The following MINK1 variants were observed in gnomAD, a reference collection of about 807,000 sequenced individuals.
MINK1 encodes the protein misshapen like kinase 1.
A neutral mutation model predicts 178.4 loss-of-function variants in MINK1; 46 were observed. The observed-to-expected ratio is 0.26, with a 90% confidence interval of 0.20 to 0.33. The LOEUF is 0.33. Ranked by LOEUF, MINK1 falls within the 10% of genes least tolerant of loss-of-function variation. The pLI is 1.00. For missense variants in MINK1, 1,366 were observed against 1,814.9 expected, an observed-to-expected ratio of 0.75 and a Z score of 4.49; for synonymous variants, 797 against 709.7, an observed-to-expected ratio of 1.12 and a Z score of -1.96.
At chr17:4,857,631 T>G (rs774135399) in intron 1 of MINK1, among the ~76,000 whole-genome samples, 16 of 151,960 alleles carry the variant, frequency 1.1e-4, no homozygotes, top group Non-Finnish European at 2.4e-4. Context: ...CATGCCCAGC[T>G]AATTTTTTGT....
chr17:4,883,879 A>G (rs976972240), intron 4 of MINK1, among the ~76,000 whole-genome samples: 1 of 151,588 alleles, frequency 6.6e-6, no homozygotes, highest in African/African-American at 2.4e-5. Context: ...TTGGAATCCC[A>G]ATGAGAATCT....
Position 4,889,730 on chromosome 17 carries a change from G to A in MINK1, c.1314G>A (p.Arg438=). ...TGGAGGACATGCAGGCTCTGCGGCG[G>A]GAGGAGGAGCGGCGGCAGGCGGAGC... The part of the protein sequence containing the change: ...RRLEDMQALR[R]EEERRQAERE... The change falls in exon 13 of 32, where the codon CGG becomes CGA. Residue 438 remains arginine (R), a synonymous_variant. Transcript: ENST00000355280. 5 of 1,549,030 alleles carry A rather than the reference G, an allele frequency of 3.2e-6. No homozygotes were observed. The highest frequency in any genetic ancestry group is 1.4e-5 in the African/African-American group (1 of 73,194).
At chr17:4,877,777 A>G (rs1397524015) in intron 1 of MINK1, among the ~76,000 whole-genome samples, 3 of 147,864 alleles carry the variant, frequency 2.0e-5, no homozygotes, top group Admixed American at 6.7e-5. Flanking sequence ...TTGAAAAGCC[A>G]TCTGCGCTCT....
At chr17:4,849,674 C>T (rs1363107670) in intron 1 of MINK1, among the ~76,000 whole-genome samples, 3 of 152,068 alleles carry the variant, frequency 2.0e-5, no homozygotes, top group South Asian at 2.1e-4. Context: ...CTGGTTTAAG[C>T]GATTCTCCTG....
Position 4,889,783 on chromosome 17 carries a change from T to TGCCAGG in MINK1, c.1347+20_1347+21insGCCAGG. The stretch of plus-strand genomic sequence containing the variant: ...GAGCAGGTAGAGCGCCGCACCCGCA[T>TGCCAGG]CCCTGCCCTCCCGCCCTCCCGCTCC... On this transcript the variant is annotated intron_variant, in intron 13 of 31. Coordinates refer to ENST00000355280, the MANE Select transcript of MINK1 (RefSeq NM_153827.5). 6.7e-7 allele frequency: 1 copy of TGCCAGG among 1,494,210 alleles called. No individual in the cohort carries two copies. The highest frequency in any genetic ancestry group is 8.9e-7 in the Non-Finnish European group (1 of 1,121,350). 92.6% of individuals were successfully genotyped at this position (1,494,210 alleles called of 1,614,324 possible).
At chr17:4,890,917 G>C in intron 14 of MINK1, 34 bp from the exon 15 acceptor site, 1 of 1,551,702 alleles carries the variant, frequency 6.4e-7, no homozygotes, top group South Asian at 1.2e-5. Flanking sequence ...AGGGAGGCAA[G>C]AGCTGGCCTG....
At chr17:4,874,026 T>C (rs1966944792) in intron 1 of MINK1, among the ~76,000 whole-genome samples, 1 of 151,958 alleles carries the variant, frequency 6.6e-6, no homozygotes, top group Non-Finnish European at 1.5e-5. Context: ...AGTGCCAGAG[T>C]TGAAAACCCC....
At chr17:4,848,367 G>A (rs774304662) in intron 1 of MINK1, among the ~76,000 whole-genome samples, 3 of 152,084 alleles carry the variant, frequency 2.0e-5, no homozygotes, top group African/African-American at 7.2e-5. Flanking sequence ...TCAGTGTTTG[G>A]GGGTATTTTT....
At chr17:4,862,927 C>T (rs898321168) in intron 1 of MINK1, among the ~76,000 whole-genome samples, 6 of 151,630 alleles carry the variant, frequency 4.0e-5, no homozygotes, top group Non-Finnish European at 8.8e-5. Context: ...TCCAGCTACT[C>T]AGGAAGCTGA....
rs772836714 is a variant in MINK1 at position 4,895,593 on chromosome 17, A to G, written c.3229+100A>G. Reference sequence around the variant, plus strand: ...AGGGCAGGCACTGGAAGGTGGGGCCACACTTTCTCACCCCTTGTGGTATGC... The same window carrying G: ...AGGGCAGGCACTGGAAGGTGGGGCCGCACTTTCTCACCCCTTGTGGTATGC... On this transcript the variant is annotated intron_variant, in intron 26 of 31. Transcript: ENST00000355280. This position sits in a 1 kb window ranked among gnomAD's most constrained non-coding sequence, Gnocchi z 4.3. 2.2e-4 allele frequency: 339 copies of G among 1,547,960 alleles called. 2 individuals are homozygous for G. The highest frequency in any genetic ancestry group is 2.9e-4 in the Non-Finnish European group (328 of 1,143,714).
At chr17:4,866,634 G>A (rs1438024606) in intron 1 of MINK1, among the ~76,000 whole-genome samples, 5 of 149,978 alleles carry the variant, frequency 3.3e-5, no homozygotes, top group African/African-American at 1.2e-4. Flanking sequence ...AAATAGCCAG[G>A]CATGATGGCA....
chr17:4,896,318 C>A lies in MINK1; in HGVS notation c.3591C>A (p.Ser1197Arg). The change falls in exon 29 of 32, where the codon AGC becomes AGA. Residue 1197 changes from serine (S) to arginine (R), a missense_variant. This residue lies in a region of MINK1 where 201 missense variants were observed against 240.7 expected (regional missense o/e 0.84). Transcript: ENST00000355280. This position sits in a 1 kb window ranked among gnomAD's most constrained non-coding sequence, Gnocchi z 4.6. ...CTGTGGATGTCGACTCGGGGAACAG[C>A]TATGACATCTACATCCCTGTGCACG... ...FHAVDVDSGN[S>R]YDIYIPVHIQ... The A allele has an allele frequency of 1.3e-6, 2 of 1,599,350 alleles. No homozygotes were observed. The highest frequency in any genetic ancestry group is 1.1e-5 in the South Asian group (1 of 87,888).
rs1969255183 is a variant in MINK1, at chr17:4,894,694, C to T, written c.2917+61C>T. ...GGTCCAGGGGCAGCCTGGAGGGGAG[C>T]ACAGTGGTCTTGAGACGCAGCCTCA... On this transcript the variant is annotated intron_variant, in intron 24 of 31. Transcript: ENST00000355280. The surrounding 1 kb of genome is among the most constrained non-coding windows in gnomAD (Gnocchi z 4.1). The T allele has an allele frequency of 4.5e-6, 6 of 1,319,130 alleles. No individual in the cohort carries two copies. In the South Asian group the frequency reaches 6.3e-5, roughly 14 times the overall value. 81.7% of individuals were successfully genotyped at this position (1,319,130 alleles called of 1,614,324 possible).
intron 1 of MINK1, among the ~76,000 whole-genome samples, chr17:4,874,183 C>T (rs1432388704): frequency 6.6e-6 from 1 of 152,162 alleles, no homozygotes; most frequent in Non-Finnish European, 1.5e-5. Context: ...TTATATTTCT[C>T]ATATATTGGT....
chr17:4,897,262 A>C lies in MINK1; in HGVS notation c.3974A>C (p.Asn1325Thr). 3 of 1,613,334 alleles carry C rather than the reference A, an allele frequency of 1.9e-6. No individual in the cohort carries two copies. The highest frequency in any genetic ancestry group is 2.5e-6 in the Non-Finnish European group (3 of 1,179,638). The stretch of plus-strand genomic sequence containing the variant: ...AGCCAAGTTTACTTCATGACTCTGA[A>C]CCGTAACTGCATCATGAACTGGTGA... The part of the protein sequence containing the change: ...GSSQVYFMTL[N>T]RNCIMNW Residue 1325 changes from asparagine (N) to threonine (T), a missense_variant, in exon 32 of 32, where the codon AAC becomes ACC. Physicochemically the swap from Asn to Thr is moderately conservative, Grantham distance 65 (BLOSUM62 0). Transcript: ENST00000355280.
At chr17:4,877,756 G>T (rs897801395) in intron 1 of MINK1, among the ~76,000 whole-genome samples, 2 of 146,616 alleles carry the variant, frequency 1.4e-5, no homozygotes, top group African/African-American at 5.1e-5. Flanking sequence ...TTTGAAATCG[G>T]GAACATGTCT....
intron 1 of MINK1, among the ~76,000 whole-genome samples, chr17:4,855,998 G>A (rs1913063507): frequency 1.3e-5 from 2 of 151,414 alleles, no homozygotes; most frequent in African/African-American, 4.8e-5. Flanking sequence ...AAGTCCAGTT[G>A]ATGGTGGTAT....
At position 4,833,826 on chromosome 17, in the gene MINK1, C is replaced by G. The variant is rs890277644; in HGVS notation, c.57+186C>G. 1.3e-5 allele frequency among the ~76,000 whole-genome samples: 2 copies of G among 152,202 alleles called. No individual in the cohort carries two copies. The stretch of plus-strand genomic sequence containing the variant: ...CCCCGCCCTCTGCTCCCTTCTCTCT[C>G]CACTGGCTGCAGATGCTGGGAGCCA... On this transcript the variant is annotated intron_variant, in intron 1 of 31. Transcript: ENST00000355280. This position sits in a 1 kb window ranked among gnomAD's most constrained non-coding sequence, Gnocchi z 4.8.
At chr17:4,892,075 C>A in intron 16 of MINK1, 74 bp from the exon 17 acceptor site, 2 of 1,251,916 alleles carry the variant, frequency 1.6e-6, no homozygotes, top group Non-Finnish European at 2.3e-6. Flanking sequence ...GCTCACCTCT[C>A]AGAGGTGAGG....
Sources: allele counts gnomAD v4.1 joint callset (sites outside exome capture counted in the v4.1 genomes callset), GRCh38; gene constraint gnomAD v4.1.1; regional missense constraint gnomAD v4.1.1; non-coding constraint Gnocchi (gnomAD v3.1); transcripts MANE v1.5; gene names NCBI Gene and HGNC (gene_info 2026-07-23, HGNC 2026-07-21).